Variants in SEZ6L observed in about 807,000 individuals in gnomAD.
SEZ6L encodes seizure 6-like protein.
In SEZ6L, 37 loss-of-function variants were observed where a neutral mutation model predicts 106.2. That is an observed-to-expected ratio of 0.35 (90% CI 0.27 to 0.46). SEZ6L has a LOEUF of 0.46. Among genes scored for constraint, SEZ6L ranks in the 20% least tolerant of loss-of-function variants. The pLI is 1.00. For synonymous variants in SEZ6L, 541 were observed against 570.4 expected (o/e 0.95, Z 0.73); for missense variants, 1,172 against 1,332.8 (o/e 0.88, Z 1.88).
intron 1 of SEZ6L, among the ~76,000 whole-genome samples, chr22:26,268,031 C>T (rs1180522126): frequency 1.3e-5 from 2 of 152,188 alleles, no homozygotes; most frequent in African/African-American, 4.8e-5. Context: ...AGCCATGCTG[C>T]CTCTCTATAG....
chr22:26,236,257 T>A (rs1569406542), intron 1 of SEZ6L, among the ~76,000 whole-genome samples: 1 of 152,210 alleles, frequency 6.6e-6, no homozygotes, highest in Admixed American at 6.5e-5. Flanking sequence ...GCTCTGGAGA[T>A]TCGGCATGGC....
chr22:26,311,639 G>A, intron 7 of SEZ6L, 129 bp from the exon 8 acceptor site: 1 of 811,468 alleles, frequency 1.2e-6, no homozygotes, highest in Non-Finnish European at 2.0e-6. Context: ...CTGGAACCAG[G>A]ACACGTAATT....
Position 26,292,433 on chromosome 22 carries a change from C to T in SEZ6L, c.122C>T (p.Pro41Leu). 2 of 1,613,626 alleles carry T rather than the reference C, an allele frequency of 1.2e-6. No homozygotes were observed. Among genetic ancestry groups the T allele is most frequent in the Non-Finnish European group, 1.7e-6 (2 of 1,179,784 alleles). Residue 41 changes from proline to leucine, a missense_variant, in exon 2 of 17, where the codon CCT becomes CTT. By Grantham distance (98) the Pro-to-Leu change is moderately conservative. Around this residue, in one of 4 missense-constraint regions of SEZ6L, gnomAD observed 494 missense variants for 445.8 expected, o/e 1.11. Coordinates refer to ENST00000248933, the MANE Select transcript of SEZ6L (RefSeq NM_021115.5). ...GCTCTTCCCGAGGGAGATGCTAGCC[C>T]TTTGGGTCCTTACCTCCTGCCCTCA... is the stretch of plus-strand genomic sequence containing the variant. The part of the protein sequence containing the change: ...RDALPEGDAS[P>L]LGPYLLPSGA...
intron 1 of SEZ6L, among the ~76,000 whole-genome samples, chr22:26,170,441 C>A (rs952234589): frequency 6.6e-6 from 1 of 151,982 alleles, no homozygotes; most frequent in African/African-American, 2.4e-5. Context: ...CCTCTACTCT[C>A]TCCCCTACTG....
intron 1 of SEZ6L, among the ~76,000 whole-genome samples, chr22:26,269,781 C>G (rs1403309200): frequency 6.6e-6 from 1 of 152,218 alleles, no homozygotes; most frequent in African/African-American, 2.4e-5. Flanking sequence ...CATTAATCTC[C>G]CTTCCACTCG....
rs201841723 is a variant in SEZ6L at position 26,310,807 on chromosome 22, C to A, written c.1652C>A (p.Ala551Glu). The change falls in exon 7 of 17, where the codon GCG becomes GAG. Residue 551 changes from alanine to glutamate, a missense_variant. Transcript: ENST00000248933. ...RIEFTSDQAR[A>E]ASTFNIRFEA... ...GAGTTCACGTCCGACCAGGCCCGGG[C>A]GGCCTCCACCTTCAACATCCGATTT... The A allele has an allele frequency of 6.2e-6, 10 of 1,613,914 alleles. No homozygotes were observed. The highest frequency in any genetic ancestry group is 1.1e-5 in the South Asian group (1 of 91,078).
intron 7 of SEZ6L, among the ~76,000 whole-genome samples, chr22:26,311,372 C>T (rs572588806): frequency 7.2e-5 from 11 of 152,310 alleles, no homozygotes; most frequent in South Asian, 4.1e-4. Context: ...ATTTCATGTA[C>T]GCTGGGGGAC....
chr22:26,187,865 A>C (rs942690120), intron 1 of SEZ6L, among the ~76,000 whole-genome samples: 2 of 152,188 alleles, frequency 1.3e-5, no homozygotes, highest in Admixed American at 6.5e-5. Flanking sequence ...AATTAGACAT[A>C]CCAAGCTTTT....
intron 1 of SEZ6L, among the ~76,000 whole-genome samples, chr22:26,188,761 C>G (rs1601978534): frequency 1.3e-5 from 2 of 152,168 alleles, no homozygotes; most frequent in African/African-American, 4.8e-5. Context: ...AGCCATAGCT[C>G]TAAGTGTTCA....
intron 1 of SEZ6L, among the ~76,000 whole-genome samples, chr22:26,262,284 C>CTATCTATCTATCTA (rs2080040910): frequency 6.7e-6 from 1 of 149,680 alleles, no homozygotes; most frequent in Non-Finnish European, 1.5e-5. Flanking sequence ...ATCTATCTAT[C>CTATCTATCTATCTA]TCTTTTAAAA....
At position 26,292,072 on chromosome 22, in the gene SEZ6L, GA is replaced by G. The variant is rs2081137181; in HGVS notation, c.95-330del. Reference sequence around the variant, plus strand: ...GGAAAGAAGGAAGGAAATGAAGGAAGAAAATGAAGGAGGAAGGAAGAAAGAA... The same window carrying G: ...GGAAAGAAGGAAGGAAATGAAGGAAGAAATGAAGGAGGAAGGAAGAAAGAA... On this transcript the variant is annotated intron_variant, in intron 1 of 16. Coordinates refer to ENST00000248933, the MANE Select transcript of SEZ6L (RefSeq NM_021115.5). Among the ~76,000 whole-genome samples, 2 of 146,328 alleles carry G rather than the reference GA, an allele frequency of 1.4e-5. 1 individual carries two copies. Among genetic ancestry groups the G allele is most frequent in the South Asian group, 4.3e-4 (2 of 4,650 alleles).
At chr22:26,379,244 A>T (rs1276985692) in intron 16 of SEZ6L, among the ~76,000 whole-genome samples, 1 of 152,250 alleles carries the variant, frequency 6.6e-6, no homozygotes, top group Non-Finnish European at 1.5e-5. Context: ...TGGCTTCTTC[A>T]GAGCCAGCAA....
At chr22:26,248,094 C>A (rs897419757) in intron 1 of SEZ6L, among the ~76,000 whole-genome samples, 1 of 152,106 alleles carries the variant, frequency 6.6e-6, no homozygotes, top group East Asian at 1.9e-4. Flanking sequence ...AGGGCAGGGA[C>A]AAGGAAAAGC....
At chr22:26,256,442 T>C (rs535558201) in intron 1 of SEZ6L, among the ~76,000 whole-genome samples, 70 of 152,262 alleles carry the variant, frequency 4.6e-4, no homozygotes, top group African/African-American at 1.6e-3. Context: ...GTAGAAAACA[T>C]AGAAGAGACC....
intron 1 of SEZ6L, among the ~76,000 whole-genome samples, chr22:26,269,955 G>A (rs527940968): frequency 6.6e-6 from 1 of 152,302 alleles, no homozygotes; most frequent in African/African-American, 2.4e-5. Context: ...CCCAGAAGGG[G>A]ACAAGAAAGA....
chr22:26,202,424 T>C (rs1244995652), intron 1 of SEZ6L, among the ~76,000 whole-genome samples: 2 of 152,190 alleles, frequency 1.3e-5, no homozygotes, highest in African/African-American at 4.8e-5. Flanking sequence ...CATAAATTCA[T>C]GATGGCACAT....
At chr22:26,196,614 T>A (rs1483648769) in intron 1 of SEZ6L, among the ~76,000 whole-genome samples, 2 of 152,128 alleles carry the variant, frequency 1.3e-5, no homozygotes, top group African/African-American at 4.8e-5. Flanking sequence ...GTGTGATGGG[T>A]CTGAGCTTCA....
intron 1 of SEZ6L, among the ~76,000 whole-genome samples, chr22:26,219,996 A>G (rs1369721439): frequency 6.6e-6 from 1 of 152,218 alleles, no homozygotes; most frequent in Admixed American, 6.5e-5. Context: ...TTCCAACAGC[A>G]CACCAGGTAG....
chr22:26,318,098 TAG>T (rs1320142969), intron 9 of SEZ6L, among the ~76,000 whole-genome samples: 16 of 152,166 alleles, frequency 1.1e-4, no homozygotes, highest in African/African-American at 3.9e-4. Flanking sequence ...TTTTTTGTGA[TAG>T]AGTCTCACTG....
Sources: allele counts gnomAD v4.1 joint callset (sites outside exome capture counted in the v4.1 genomes callset), GRCh38; gene constraint gnomAD v4.1.1; regional missense constraint gnomAD v4.1.1; transcripts MANE v1.5; gene names NCBI Gene and HGNC (gene_info 2026-07-23, HGNC 2026-07-21).